The following FAM111A variants were observed in gnomAD, a reference collection of about 807,000 sequenced individuals.
FAM111A encodes the protein serine protease FAM111A.
In FAM111A, 8 loss-of-function variants were observed where a neutral mutation model predicts 3.3. The ratio of observed to expected loss-of-function variants is 2.39; its 90% confidence interval spans 1.40 to 4.32. The LOEUF (loss-of-function observed/expected upper bound fraction) is 4.32, where lower values mean the gene tolerates loss of function less well. Ranked by LOEUF, FAM111A falls within the 30% of genes most tolerant of loss-of-function variation. The pLI is 0.00. For missense variants in FAM111A, 683 were observed against 727.6 expected (o/e 0.94, Z 0.71); for synonymous variants, 227 against 243.1 (o/e 0.93, Z 0.62).
chr11:59,153,440 C>T lies in FAM111A; in HGVS notation c.1772C>T (p.Pro591Leu), dbSNP rs1362340110. 6.2e-7 allele frequency: 1 copy of T among 1,613,472 alleles called. No homozygotes were observed. Among genetic ancestry groups the T allele is most frequent in the Admixed American group, 1.7e-5 (1 of 59,894 alleles). ...ILLDIKQRHKPWYEEVFVNQQ... is the reference protein window; with the variant it reads ...ILLDIKQRHKLWYEEVFVNQQ... ...CTTGATATTAAGCAAAGACATAAAC[C>T]ATGGTATGAAGAAGTATTTGTAAAT... The change falls in exon 6 of 6, where the codon CCA (proline) becomes CTA (leucine). Residue 591 changes from proline (P) to leucine (L), a missense_variant. Coordinates refer to ENST00000675163, the MANE Select transcript of FAM111A (RefSeq NM_001312909.2).
intron 5 of FAM111A, 21 bp from the exon 6 acceptor site, chr11:59,151,729 G>A: frequency 6.6e-7 from 1 of 1,522,080 alleles, no homozygotes; most frequent in Non-Finnish European, 8.9e-7. Context: ...GAGTTTTAAA[G>A]TATCTAACAT....
Position 59,152,199 on chromosome 11 carries a change from A to T in FAM111A, c.531A>T (p.Ala177=), listed in dbSNP as rs185713600. The change falls in exon 6 of 6, where the codon GCA becomes GCT. Residue 177 remains alanine (A), a synonymous_variant. Transcript: ENST00000675163. The part of the protein sequence containing the change: ...DNHIFGRQDK[A]STECVKFYIH... ...ACATATTTGGCAGGCAGGACAAAGCATCGACTGAATGTGTCAAATTTTACA... is the reference window on the plus strand; with the variant it reads ...ACATATTTGGCAGGCAGGACAAAGCTTCGACTGAATGTGTCAAATTTTACA... 1.2e-6 allele frequency: 2 copies of T among 1,614,220 alleles called. No homozygotes were observed. The highest frequency in any genetic ancestry group is 1.7e-6 in the Non-Finnish European group (2 of 1,180,038).
rs1565204920 is a variant in FAM111A at position 59,152,250 on chromosome 11, TA to T, written c.586del (p.Arg196GlufsTer55). ...YIHAIGIGKC[K>X]RRIVKCGKLH... The stretch of plus-strand genomic sequence containing the variant: ...TTCATGCAATTGGAATTGGGAAGTG[TA>T]AAAGAAGGATTGTTAAATGTGGGAA... On this transcript the variant is annotated frameshift_variant, in exon 6 of 6. Transcript: ENST00000675163. LOFTEE classifies it low-confidence loss of function (END_TRUNC). 6.2e-7 allele frequency: 1 copy of T among 1,614,094 alleles called. No homozygotes were observed.
Position 59,153,292 on chromosome 11 carries a change from G to A in FAM111A, c.1624G>A (p.Gly542Ser), listed in dbSNP as rs762362894. 22 of 1,613,956 alleles carry A rather than the reference G, an allele frequency of 1.4e-5. No homozygotes were observed. In the Admixed American group the frequency reaches 1.5e-4, roughly 11 times the overall value. Residue 542 changes from glycine to serine, a missense_variant, in exon 6 of 6, where the codon GGC becomes AGC. Coordinates refer to ENST00000675163, the MANE Select transcript of FAM111A (RefSeq NM_001312909.2). ...YDTEFFFGAS[G>S]SPVFDSKGSL... ...CACTGAATTTTTCTTTGGGGCTTCC[G>A]GCTCCCCTGTGTTTGATTCAAAAGG... is the stretch of plus-strand genomic sequence containing the variant.
chr11:59,149,676 A>G (rs534672691), intron 5 of FAM111A, among the ~76,000 whole-genome samples: 2 of 152,342 alleles, frequency 1.3e-5, no homozygotes, highest in African/African-American at 2.4e-5. Flanking sequence ...CCTACATTTG[A>G]ATATAGTTTA....
At chr11:59,149,707 A>G (rs572582909) in intron 5 of FAM111A, among the ~76,000 whole-genome samples, 6 of 152,286 alleles carry the variant, frequency 3.9e-5, no homozygotes, top group East Asian at 1.9e-4. Context: ...TTTTTAATAT[A>G]TTTGTTCTTA....
intron 5 of FAM111A, among the ~76,000 whole-genome samples, chr11:59,151,298 G>A (rs1320632677): frequency 1.3e-5 from 2 of 152,074 alleles, no homozygotes; most frequent in African/African-American, 4.8e-5. Flanking sequence ...TTACAGGCAT[G>A]TGCCACCACA....
At chr11:59,147,590 C>G (rs1298376566) in intron 4 of FAM111A, among the ~76,000 whole-genome samples, 1 of 152,086 alleles carries the variant, frequency 6.6e-6, no homozygotes, top group South Asian at 2.1e-4. Flanking sequence ...TGCATATTAT[C>G]TCACTGCTCT....
At chr11:59,147,925 G>A (rs973794987) in intron 4 of FAM111A, among the ~76,000 whole-genome samples, 1 of 152,194 alleles carries the variant, frequency 6.6e-6, no homozygotes, top group Non-Finnish European at 1.5e-5. Flanking sequence ...AATTACATGA[G>A]ATAGTTGATG....
rs769119762 is a variant in FAM111A at position 59,152,722 on chromosome 11, C to A, written c.1054C>A (p.Arg352Ser). ...GATTAAAGTAGTGAAACTTCTTGTA[C>A]GTCTCAGTGACTCAGTTGGGTACTT... ...SSIKVVKLLV[R>S]LSDSVGYLFW... The change falls in exon 6 of 6, where the codon CGT becomes AGT. Residue 352 changes from arginine (R) to serine (S), a missense_variant. Around this residue, in one of 3 missense-constraint regions of FAM111A, gnomAD observed 557 missense variants for 600.2 expected, o/e 0.93. Transcript: ENST00000675163. 1 of 1,614,152 alleles carries A rather than the reference C, an allele frequency of 6.2e-7. No individual in the cohort carries two copies. Among genetic ancestry groups the A allele is most frequent in the Non-Finnish European group, 8.5e-7 (1 of 1,180,006 alleles).
intron 5 of FAM111A, among the ~76,000 whole-genome samples, chr11:59,149,993 C>CTTGTT (rs981965412): frequency 3.9e-5 from 6 of 152,136 alleles, no homozygotes; most frequent in African/African-American, 1.4e-4. Flanking sequence ...AATTTCTCAA[C>CTTGTT]TTGTTTTGTT....
intron 4 of FAM111A, chr11:59,148,402 A>G (rs1331955062): frequency 6.5e-6 from 1 of 153,558 alleles, no homozygotes; most frequent in Admixed American, 6.5e-5. Context: ...TAACTAGAAC[A>G]GCTTTTTGAA....
chr11:59,148,522 C>T (rs1861226784), intron 4 of FAM111A: 1 of 206,450 alleles, frequency 4.8e-6, no homozygotes, highest in African/African-American at 2.3e-5. Context: ...TATACTTTCC[C>T]CATCAGCAAA....
chr11:59,151,734 T>A lies in FAM111A; in HGVS notation c.82-16T>A. On this transcript the variant is annotated splice_polypyrimidine_tract_variant and intron_variant, in intron 5 of 5. Transcript: ENST00000675163. ...GTTGCATTCAGAGTTTTAAAGTATC[T>A]AACATTTATTTTTAGGTCTCTAAAG... 6.5e-7 allele frequency: 1 copy of A among 1,545,666 alleles called. No individual in the cohort carries two copies. Among genetic ancestry groups the A allele is most frequent in the East Asian group, 2.2e-5 (1 of 44,476 alleles).
chr11:59,151,500 T>G (rs1590949651), intron 5 of FAM111A, among the ~76,000 whole-genome samples: 2 of 152,208 alleles, frequency 1.3e-5, no homozygotes, highest in East Asian at 3.9e-4. Flanking sequence ...GGGAAAAAAT[T>G]TTTTCTTCCC....
At position 59,143,119 on chromosome 11, in the gene FAM111A, T is replaced by TGAA. The variant is rs1860375335; in HGVS notation, c.-489_-488insAGA. On this transcript the variant is annotated 5_prime_UTR_variant, in exon 2 of 6. Transcript: ENST00000675163. The stretch of plus-strand genomic sequence containing the variant: ...GCAGCCAATCGGCTTCCGAAGTAGG[T>TGAA]GAGTTGCTGCCTGAAGAGAAAAGAC... The TGAA allele has an allele frequency of 6.6e-6, 1 of 152,264 alleles. No individual in the cohort carries two copies. 9.4% of individuals were successfully genotyped at this position (152,264 alleles called of 1,614,324 possible).
intron 5 of FAM111A, among the ~76,000 whole-genome samples, chr11:59,151,524 A>G (rs1429229992): frequency 6.6e-6 from 1 of 152,200 alleles, no homozygotes; most frequent in East Asian, 1.9e-4. Context: ...TATTTTTCAG[A>G]AGAATGCACT....
Position 59,153,704 on chromosome 11 carries a change from T to A in FAM111A, c.*200T>A, listed in dbSNP as rs951444117. 11 of 148,282 alleles carry A rather than the reference T, an allele frequency of 7.4e-5. No individual in the cohort carries two copies. Among genetic ancestry groups the A allele is most frequent in the South Asian group, 1.9e-4 (1 of 5,360 alleles). 9.2% of individuals were successfully genotyped at this position (148,282 alleles called of 1,614,324 possible). A position where few individuals can be genotyped will look rare whatever the true frequency, so the allele number is the denominator to read the frequency against. ...TGAGATGGACTATAACTTGCCCAAA[T>A]TTTTTTTTTTTTTTTGAGACTGAGT... On this transcript the variant is annotated 3_prime_UTR_variant, in exon 6 of 6. Coordinates refer to ENST00000675163, the MANE Select transcript of FAM111A (RefSeq NM_001312909.2).
intron 3 of FAM111A, 27 bp downstream of exon 3, chr11:59,143,722 G>A (rs1860461378): frequency 6.6e-6 from 1 of 152,086 alleles, no homozygotes; most frequent in African/African-American, 2.4e-5. Context: ...GAGAACTGAA[G>A]CCATCTACAC....
Sources: allele counts gnomAD v4.1 joint callset (sites outside exome capture counted in the v4.1 genomes callset), GRCh38; gene constraint gnomAD v4.1.1; regional missense constraint gnomAD v4.1.1; transcripts MANE v1.5; gene names NCBI Gene and HGNC (gene_info 2026-07-23, HGNC 2026-07-21).